PFKFB4: variants seen among roughly 807,000 people sequenced by gnomAD.
PFKFB4 encodes 6-phosphofructo-2-kinase/fructose-2,6-bisphosphatase 4.
Under a neutral mutation model 62.8 loss-of-function variants are expected in PFKFB4, and 42 were observed. The ratio of observed to expected loss-of-function variants is 0.67; its 90% CI spans 0.52 to 0.86. The LOEUF (loss-of-function observed/expected upper bound fraction) is 0.86, where lower values mean the gene tolerates loss of function less well. Among genes scored for constraint, PFKFB4 ranks in the 40% least tolerant of loss-of-function variants. The pLI is 0.00. For synonymous variants in PFKFB4, 204 were observed against 240.7 expected, an observed-to-expected ratio of 0.85 and a Z score of 1.41; for missense variants, 475 against 627.2, an observed-to-expected ratio of 0.76 and a Z score of 2.59.
At chr3:48,546,636 A>G (rs9848824) in intron 3 of PFKFB4, among the ~76,000 whole-genome samples, 20,090 of 152,214 alleles carry the variant, frequency 0.13, 2,829 homozygotes, top group African/African-American at 0.35. Context: ...GCCCTTGGCC[A>G]GGGTTGGGGA....
At chr3:48,522,547 G>C (rs2042128727) in intron 12 of PFKFB4, among the ~76,000 whole-genome samples, 1 of 152,196 alleles carries the variant, frequency 6.6e-6, no homozygotes, top group East Asian at 1.9e-4. Flanking sequence ...AGACCTGAGA[G>C]ATGAAGAAGT....
chr3:48,557,051 T>G (rs2043346492), upstream of PFKFB4: 1 of 1,081,272 alleles, frequency 9.2e-7, no homozygotes, highest in Non-Finnish European at 1.2e-6. Flanking sequence ...CATGCTCAAC[T>G]CCGGATTGTA....
At chr3:48,549,224 T>C (rs1304880287) in intron 3 of PFKFB4, among the ~76,000 whole-genome samples, 1 of 152,164 alleles carries the variant, frequency 6.6e-6, no homozygotes, top group Non-Finnish European at 1.5e-5. Flanking sequence ...AGCATATACA[T>C]ATTTCTATCT....
chr3:48,561,282 C>T (rs898224569), upstream of PFKFB4: 8 of 282,314 alleles, frequency 2.8e-5, no homozygotes, highest in East Asian at 3.1e-4. The surrounding 1 kb of genome is among the most constrained non-coding windows in gnomAD (Gnocchi z 5.2). Context: ...GTGAGGGCAG[C>T]GCCAGTGCCC....
At position 48,556,601 on chromosome 3, in the gene PFKFB4, C is replaced by T. The variant is rs954975082; in HGVS notation, c.97+80G>A. 5 of 1,458,830 alleles carry T rather than the reference C, an allele frequency of 3.4e-6. No homozygotes were observed. The highest frequency in any genetic ancestry group is 4.6e-6 in the Non-Finnish European group (5 of 1,080,464). The allele number at this position is 1,458,830 out of a possible 1,614,324, so 90.4% of individuals were successfully genotyped here. ...CCCCATCTGTCTCCCGCCCCTTCTC[C>T]ATGCGAGACCCCCGCCCAGGCCGCC... On this transcript the variant is annotated intron_variant, in intron 1 of 13. Coordinates refer to ENST00000232375, the MANE Select transcript of PFKFB4 (RefSeq NM_004567.4). This position sits in a 1 kb window ranked among gnomAD's most constrained non-coding sequence, Gnocchi z 5.7.
At chr3:48,546,665 C>T (rs1056647888) in intron 3 of PFKFB4, among the ~76,000 whole-genome samples, 1 of 152,182 alleles carries the variant, frequency 6.6e-6, no homozygotes, top group Admixed American at 6.5e-5. Context: ...GTAAACAGTT[C>T]CCTCTAGTGA....
chr3:48,563,085 A>ACATCAGGAC (rs1176880828), upstream of PFKFB4: 1 of 1,611,866 alleles, frequency 6.2e-7, no homozygotes, highest in Non-Finnish European at 8.5e-7. The surrounding 1 kb of genome is among the most constrained non-coding windows in gnomAD (Gnocchi z 4.5). Flanking sequence ...ACTCTGCCCA[A>ACATCAGGAC]CATCAGGACC....
intron 8 of PFKFB4, 98 bp from the exon 9 acceptor site, chr3:48,535,756 C>T (rs1575374704): frequency 2.2e-6 from 3 of 1,384,290 alleles, no homozygotes; most frequent in East Asian, 4.6e-5. Context: ...TCGCCTTGAA[C>T]ACTCACTACA....
chr3:48,535,728 G>A lies in PFKFB4; in HGVS notation c.841-70C>T, dbSNP rs2042580542. 3.8e-6 allele frequency: 6 copies of A among 1,581,422 alleles called. No homozygotes were observed. In the Middle Eastern group the frequency reaches 6.8e-4, roughly 179 times the overall value. ...GCCCTTAAAGCATCCCATAGCCGCA[G>A]GGTCCATGAGATCACCCTCGCCTTG... On this transcript the variant is annotated intron_variant, in intron 8 of 13. Transcript: ENST00000232375.
chr3:48,561,415 G>T (rs1308736250), upstream of PFKFB4, among the ~76,000 whole-genome samples: 1 of 152,282 alleles, frequency 6.6e-6, no homozygotes, highest in East Asian at 1.9e-4. The surrounding 1 kb of genome is among the most constrained non-coding windows in gnomAD (Gnocchi z 5.2). Flanking sequence ...CAGAGTGCCT[G>T]CCCCCTCTGC....
At position 48,551,214 on chromosome 3, in the gene PFKFB4, CTTTTTTT is replaced by C. The variant is rs773561800; in HGVS notation, c.98-987_98-981del. On this transcript the variant is annotated intron_variant, in intron 1 of 13. Transcript: ENST00000232375. ...ATCTTATGGGACCTAGCTCACTTTT[CTTTTTTT>C]TTTTTTTTTTTTGAGACGGAGTCTC... 4.4e-5 allele frequency among the ~76,000 whole-genome samples: 6 copies of C among 135,086 alleles called. No homozygotes were observed. In the South Asian group the frequency reaches 7.1e-4, roughly 16 times the overall value. 88.6% of individuals were successfully genotyped at this position (135,086 alleles called of 152,430 possible).
At chr3:48,529,020 C>CTTATTTATTTATTTATTTAT (rs541772549) in intron 9 of PFKFB4, among the ~76,000 whole-genome samples, 3 of 151,562 alleles carry the variant, frequency 2.0e-5, no homozygotes, top group African/African-American at 7.3e-5. Flanking sequence ...GAACTGTATA[C>CTTATTTATTTATTTATTTAT]TTATTTATTT....
chr3:48,557,869 T>A (rs1277671350), upstream of PFKFB4, among the ~76,000 whole-genome samples: 1 of 152,218 alleles, frequency 6.6e-6, no homozygotes, highest in Admixed American at 6.5e-5. Flanking sequence ...GTACTTTGGG[T>A]ACTCACTAAG....
upstream of PFKFB4, among the ~76,000 whole-genome samples, chr3:48,558,417 G>GGAGC (rs2043382436): frequency 6.6e-6 from 1 of 152,240 alleles, no homozygotes; most frequent in Non-Finnish European, 1.5e-5. Context: ...TACCCAGCCA[G>GGAGC]GAGCCAGGTG....
intron 9 of PFKFB4, among the ~76,000 whole-genome samples, chr3:48,530,230 G>T (rs998348299): frequency 6.6e-6 from 1 of 152,036 alleles, no homozygotes; most frequent in African/African-American, 2.4e-5. Context: ...TCCAGCCTGG[G>T]AAACAGAGTG....
chr3:48,528,145 A>T (rs868730491), intron 9 of PFKFB4, among the ~76,000 whole-genome samples: 1 of 152,170 alleles, frequency 6.6e-6, no homozygotes, highest in South Asian at 2.1e-4. Context: ...GTGGCAGAGA[A>T]TGTGGCTAAA....
intron 4 of PFKFB4, among the ~76,000 whole-genome samples, chr3:48,540,047 GA>G (rs1400180232): frequency 6.6e-6 from 1 of 152,194 alleles, no homozygotes; most frequent in African/African-American, 2.4e-5. Context: ...TGGCACAGAA[GA>G]ACCTACTCAG....
At chr3:48,557,063 T>A, upstream of PFKFB4, 12 of 958,378 alleles carry the variant, frequency 1.3e-5, no homozygotes, top group Non-Finnish European at 1.7e-5. Context: ...CGGATTGTAC[T>A]GGTCCCGCCC....
chr3:48,534,963 C>A (rs1335755402), intron 9 of PFKFB4, among the ~76,000 whole-genome samples: 1 of 152,102 alleles, frequency 6.6e-6, no homozygotes, highest in East Asian at 1.9e-4. Context: ...TACCCACCAC[C>A]ATGCCTGGCT....
Sources: gnomAD v4.1 joint callset for allele counts (sites outside exome capture counted in the v4.1 genomes callset) on GRCh38, gnomAD v4.1.1 for gene constraint, Gnocchi (gnomAD v3.1) non-coding constraint, MANE v1.5 for transcripts, NCBI Gene and HGNC (gene_info 2026-07-23, HGNC 2026-07-21) for gene names.